FER: variants seen among roughly 807,000 people sequenced by gnomAD.
FER encodes the protein tyrosine-protein kinase Fer.
A neutral mutation model predicts 111.0 loss-of-function variants in FER; 63 were observed. The observed-to-expected ratio is 0.57, with a 90% confidence interval of 0.46 to 0.70. The LOEUF (loss-of-function observed/expected upper bound fraction) is 0.70, where lower values mean the gene tolerates loss of function less well. Among genes scored for constraint, FER ranks in the 30% least tolerant of loss-of-function variants. The pLI is 0.00. For synonymous variants in FER, 327 were observed against 313.9 expected (o/e 1.04, Z -0.44); for missense variants, 914 against 954.0 (o/e 0.96, Z 0.55).
At position 109,187,455 on chromosome 5, in the gene FER, G is replaced by A. The variant is rs764165941; in HGVS notation, c.2349G>A (p.Gln783=). The change falls in exon 20 of 20, where the codon CAG becomes CAA. Residue 783 remains glutamine (Q), a synonymous_variant. Coordinates refer to ENST00000281092, the MANE Select transcript of FER (RefSeq NM_005246.4). ...VERGYRMSAP[Q]HCPEDISKIM... ...CAGGATACCGGATGTCAGCTCCCCA[G>A]CACTGTCCAGAGGATATTTCCAAAA... 3.6e-5 allele frequency: 58 copies of A among 1,613,898 alleles called. No individual in the cohort carries two copies. Among genetic ancestry groups the A allele is most frequent in the Middle Eastern group, 1.6e-4 (1 of 6,076 alleles).
At chr5:108,938,199 T>G (rs1457951742) in intron 10 of FER, among the ~76,000 whole-genome samples, 1 of 151,748 alleles carries the variant, frequency 6.6e-6, no homozygotes, top group African/African-American at 2.4e-5. Context: ...GATCCAAAGT[T>G]AAGTAGAGTG....
At chr5:108,865,284 A>C (rs1218577076) in intron 5 of FER, among the ~76,000 whole-genome samples, 1 of 152,184 alleles carries the variant, frequency 6.6e-6, no homozygotes, top group Non-Finnish European at 1.5e-5. Context: ...TAAATAAACA[A>C]TCATGTCATC....
intron 17 of FER, among the ~76,000 whole-genome samples, chr5:109,102,478 T>G (rs1187435478): frequency 6.6e-6 from 1 of 152,124 alleles, no homozygotes; most frequent in Non-Finnish European, 1.5e-5. Flanking sequence ...AGTGATCAAT[T>G]AGTCACATCT....
At chr5:109,133,775 T>C (rs1395298932) in intron 17 of FER, among the ~76,000 whole-genome samples, 1 of 152,140 alleles carries the variant, frequency 6.6e-6, no homozygotes, top group African/African-American at 2.4e-5. Flanking sequence ...AGTTTCTCTT[T>C]AGTGTCTGCC....
At position 108,940,593 on chromosome 5, in the gene FER, A is replaced by G. The variant is rs527565800; in HGVS notation, c.1237-5537A>G. ...TCGGTGGAACTGTATGAGCAGATCA[A>G]TCCTCAAAAGTTTTTAAGAGATTTG... On this transcript the variant is annotated intron_variant, in intron 10 of 19. Transcript: ENST00000281092. Among the ~76,000 whole-genome samples the G allele has an allele frequency of 2.4e-4, 37 of 152,066 alleles. 1 individual carries two copies. The Middle Eastern group carries it at 0.024, about 98-fold the overall frequency.
intron 17 of FER, among the ~76,000 whole-genome samples, chr5:109,103,847 A>G (rs1748559732): frequency 6.6e-6 from 1 of 152,202 alleles, no homozygotes. Context: ...TGGTAATGGC[A>G]TTCATTTATG....
At chr5:109,017,213 G>T (rs932382207) in intron 13 of FER, among the ~76,000 whole-genome samples, 1 of 151,932 alleles carries the variant, frequency 6.6e-6, no homozygotes, top group East Asian at 1.9e-4. Flanking sequence ...TGAGAGGATT[G>T]CAGGGCTAAT....
At chr5:108,946,108 G>C (rs1258483939) in intron 10 of FER, 22 bp from the exon 11 acceptor site, 1 of 1,566,806 alleles carries the variant, frequency 6.4e-7, no homozygotes, top group African/African-American at 1.4e-5. Context: ...GTTGCTGAAG[G>C]CTTGTTTCTT....
intron 16 of FER, among the ~76,000 whole-genome samples, chr5:109,097,059 G>A (rs1747626838): frequency 6.7e-6 from 1 of 150,180 alleles, no homozygotes; most frequent in African/African-American, 2.4e-5. Flanking sequence ...TGTGTGCTAG[G>A]CACATGCTTG....
intron 5 of FER, among the ~76,000 whole-genome samples, chr5:108,852,698 T>A (rs996479166): frequency 2.0e-5 from 3 of 152,106 alleles, no homozygotes; most frequent in African/African-American, 7.2e-5. Context: ...ATTTTTGGAT[T>A]TAGTGATTAA....
At chr5:109,139,745 C>T (rs1753319452) in intron 17 of FER, among the ~76,000 whole-genome samples, 3 of 151,932 alleles carry the variant, frequency 2.0e-5, no homozygotes, top group African/African-American at 7.3e-5. Context: ...TGCTGACATG[C>T]CCTAATGCTT....
chr5:108,958,200 T>C lies in FER; in HGVS notation c.1534-1025T>C, dbSNP rs184036287. Reference sequence around the variant, plus strand: ...ATTCAATCTTTTTTATTTTATAGTATGGAAAAAGAGCTTTGAGTTTTTAAA... The same window carrying C: ...ATTCAATCTTTTTTATTTTATAGTACGGAAAAAGAGCTTTGAGTTTTTAAA... On this transcript the variant is annotated intron_variant, in intron 12 of 19. Transcript: ENST00000281092. Among the ~76,000 whole-genome samples the C allele has an allele frequency of 2.6e-5, 4 of 151,584 alleles. 1 individual carries two copies. The East Asian group carries it at 7.7e-4, about 29-fold the overall frequency.
intron 16 of FER, among the ~76,000 whole-genome samples, chr5:109,062,605 CAT>C (rs1209903126): frequency 6.6e-6 from 1 of 151,990 alleles, no homozygotes; most frequent in South Asian, 2.1e-4. Flanking sequence ...CATTTGTTTT[CAT>C]ATATGTGATT....
At position 108,761,151 on chromosome 5, in the gene FER, A is replaced by C. The variant is rs76151944; in HGVS notation, c.-205-6942A>C. On this transcript the variant is annotated intron_variant, in intron 1 of 19. Coordinates refer to ENST00000281092, the MANE Select transcript of FER (RefSeq NM_005246.4). ...CACCATGTTTGTCAGGCTGGTCTCG[A>C]ACCCCTGGCCTCGTGGTCCCCCCAC... Among the ~76,000 whole-genome samples, 106 of 152,170 alleles carry C rather than the reference A, an allele frequency of 7.0e-4. 1 individual carries two copies. The East Asian group carries it at 0.018, about 25-fold the overall frequency.
At chr5:109,128,771 T>C (rs1582163267) in intron 17 of FER, among the ~76,000 whole-genome samples, 1 of 152,150 alleles carries the variant, frequency 6.6e-6, no homozygotes, top group African/African-American at 2.4e-5. Context: ...ATATGGAGCA[T>C]ACATTTAATA....
intron 14 of FER, among the ~76,000 whole-genome samples, chr5:109,040,443 A>G (rs1409713521): frequency 6.6e-6 from 1 of 152,116 alleles, no homozygotes; most frequent in Non-Finnish European, 1.5e-5. Flanking sequence ...TTGGAAGACA[A>G]GAAGAGAAAG....
rs954812365 is a variant in FER at position 108,951,401 on chromosome 5, G to A, written c.1330-3328G>A. The stretch of plus-strand genomic sequence containing the variant: ...GTTACAGGATACAGCCACTGTGCCC[G>A]GCCAAATCTTAATCTAGTGCCTTAG... On this transcript the variant is annotated intron_variant, in intron 11 of 19. Coordinates refer to ENST00000281092, the MANE Select transcript of FER (RefSeq NM_005246.4). 3.9e-5 allele frequency among the ~76,000 whole-genome samples: 6 copies of A among 152,038 alleles called. No homozygotes were observed. In the East Asian group the frequency reaches 7.7e-4, roughly 20 times the overall value.
intron 2 of FER, among the ~76,000 whole-genome samples, chr5:108,768,633 A>T (rs1230869284): frequency 4.6e-5 from 7 of 152,162 alleles, no homozygotes; most frequent in Non-Finnish European, 1.0e-4. Flanking sequence ...CTCATTGTCT[A>T]ATATAATCAT....
At chr5:109,028,695 C>T (rs1581711960) in intron 13 of FER, among the ~76,000 whole-genome samples, 1 of 152,288 alleles carries the variant, frequency 6.6e-6, no homozygotes, top group East Asian at 1.9e-4. Context: ...ATATTCAAGG[C>T]TAGGATTTAT....
Sources: allele counts gnomAD v4.1 joint callset (sites outside exome capture counted in the v4.1 genomes callset), GRCh38; gene constraint gnomAD v4.1.1; transcripts MANE v1.5; gene names NCBI Gene and HGNC (gene_info 2026-07-23, HGNC 2026-07-21).